Variants in NTSR1 observed in about 807,000 individuals in gnomAD.
NTSR1 encodes neurotensin receptor 1.
NTSR1 carries 29 observed loss-of-function variants against 31.2 expected under a neutral mutation model. That is an observed-to-expected ratio of 0.93 (90% CI 0.69 to 1.27). NTSR1 has a LOEUF of 1.27. Ranked by LOEUF, NTSR1 falls within the 50% of genes most tolerant of loss-of-function variation. The pLI, the probability that NTSR1 is intolerant of heterozygous loss-of-function variation, is 0.00. For missense variants in NTSR1, 697 were observed against 595.4 expected, an observed-to-expected ratio of 1.17 and a Z score of -1.78; for synonymous variants, 282 against 269.9, an observed-to-expected ratio of 1.04 and a Z score of -0.44.
intron 1 of NTSR1, among the ~76,000 whole-genome samples, chr20:62,734,889 C>T (rs992105785): frequency 3.9e-5 from 6 of 152,278 alleles, no homozygotes; most frequent in Admixed American, 6.5e-5. Context: ...TTAAGCCTCA[C>T]GTGGCCTGCA....
At chr20:62,735,607 G>A (rs907664557) in intron 1 of NTSR1, among the ~76,000 whole-genome samples, 2 of 152,198 alleles carry the variant, frequency 1.3e-5, no homozygotes, top group South Asian at 2.1e-4. Flanking sequence ...AGAGAGAGGC[G>A]TCCCAGCCCC....
Position 62,744,809 on chromosome 20 carries a change from C to T in NTSR1, c.715-9876C>T, listed in dbSNP as rs1013835377. Among the ~76,000 whole-genome samples the T allele has an allele frequency of 6.6e-6, 1 of 152,158 alleles. No homozygotes were observed. The highest frequency in any genetic ancestry group is 1.5e-5 in the Non-Finnish European group (1 of 68,020). ...GCTGGCCAGGGAACAAGCCAGGCCC[C>T]CACTTCTGGCACCAAACCCCAGGCA... On this transcript the variant is annotated intron_variant, in intron 1 of 3. Transcript: ENST00000370501. The surrounding 1 kb of genome is among the most constrained non-coding windows in gnomAD (Gnocchi z 4.1).
chr20:62,714,559 C>G lies in NTSR1; in HGVS notation c.714+4638C>G, dbSNP rs1047999093. Among the ~76,000 whole-genome samples the G allele has an allele frequency of 1.3e-5, 2 of 152,132 alleles. No homozygotes were observed. Among genetic ancestry groups the G allele is most frequent in the African/African-American group, 4.8e-5 (2 of 41,426 alleles). On this transcript the variant is annotated intron_variant, in intron 1 of 3. Transcript: ENST00000370501. The surrounding 1 kb of genome is among the most constrained non-coding windows in gnomAD (Gnocchi z 4.1). ...GAGAGAGTTAGGTGTGAGGTGAGCC[C>G]TGGTGTGCACACAGCCTCGTGGCAT...
chr20:62,720,945 T>A (rs898158918), intron 1 of NTSR1, among the ~76,000 whole-genome samples: 4 of 152,218 alleles, frequency 2.6e-5, no homozygotes, highest in Non-Finnish European at 4.4e-5. Flanking sequence ...TTTCCAGATA[T>A]TACTTTTTTA....
intron 1 of NTSR1, among the ~76,000 whole-genome samples, chr20:62,751,940 C>T (rs191981453): frequency 1.4e-4 from 21 of 147,426 alleles, no homozygotes; most frequent in African/African-American, 4.4e-4. Flanking sequence ...ATGCCAAATT[C>T]TCCTCATTAA....
Position 62,746,483 on chromosome 20 carries a change from G to C in NTSR1, c.715-8202G>C, listed in dbSNP as rs543697156. Among the ~76,000 whole-genome samples, 5 of 152,266 alleles carry C rather than the reference G, an allele frequency of 3.3e-5. No homozygotes were observed. In the East Asian group the frequency reaches 9.6e-4, roughly 29 times the overall value. ...GCAGGGGCTCCTATGGCTTCTCCAA[G>C]GCAGTGATGTTTGTGGGAGGGAGGA... On this transcript the variant is annotated intron_variant, in intron 1 of 3. Transcript: ENST00000370501.
intron 1 of NTSR1, among the ~76,000 whole-genome samples, chr20:62,729,023 G>A (rs1034992624): frequency 6.6e-6 from 1 of 152,266 alleles, no homozygotes; most frequent in African/African-American, 2.4e-5. Context: ...AGAGCCAAGA[G>A]ATGGATGTCC....
chr20:62,731,347 G>A (rs1410095937), intron 1 of NTSR1, among the ~76,000 whole-genome samples: 1 of 152,122 alleles, frequency 6.6e-6, no homozygotes, highest in East Asian at 1.9e-4. Context: ...GCCTCCAAAA[G>A]TGCTGGGATT....
At chr20:62,731,870 G>A (rs1367991155) in intron 1 of NTSR1, among the ~76,000 whole-genome samples, 1 of 152,362 alleles carries the variant, frequency 6.6e-6, no homozygotes, top group African/African-American at 2.4e-5. Context: ...TGTAATCCCA[G>A]CACTTTGGGA....
At position 62,714,798 on chromosome 20, in the gene NTSR1, A is replaced by G. The variant is rs1988682372; in HGVS notation, c.714+4877A>G. Among the ~76,000 whole-genome samples, 1 of 152,232 alleles carries G rather than the reference A, an allele frequency of 6.6e-6. No individual in the cohort carries two copies. Among genetic ancestry groups the G allele is most frequent in the East Asian group, 1.9e-4 (1 of 5,200 alleles). On this transcript the variant is annotated intron_variant, in intron 1 of 3. Transcript: ENST00000370501. This position sits in a 1 kb window ranked among gnomAD's most constrained non-coding sequence, Gnocchi z 4.1. ...GCCTGGTTTCTTAGCAAAGACTCGG[A>G]CAAGTCAACCTGTCGCAGAAAGCCG...
In NTSR1 at chr20:62,733,927, GATT is replaced by G. The variant is rs1989042356; in HGVS notation, c.715-20757_715-20755del. Among the ~76,000 whole-genome samples the G allele has an allele frequency of 6.6e-6, 1 of 152,154 alleles. No homozygotes were observed. Among genetic ancestry groups the G allele is most frequent in the African/African-American group, 2.4e-5 (1 of 41,440 alleles). ...TGATTGCTACTTTATCTCAATAGAG[GATT>G]CGAACAGCCCCCAGGCAGGGTCGCA... is the stretch of plus-strand genomic sequence containing the variant. On this transcript the variant is annotated intron_variant, in intron 1 of 3. Transcript: ENST00000370501. The surrounding 1 kb of genome is among the most constrained non-coding windows in gnomAD (Gnocchi z 5.2).
chr20:62,747,179 C>G (rs1033528360), intron 1 of NTSR1, among the ~76,000 whole-genome samples: 4 of 152,230 alleles, frequency 2.6e-5, no homozygotes, highest in Non-Finnish European at 5.9e-5. Context: ...AAGCATTTGA[C>G]AAAACTCAGC....
At chr20:62,730,835 G>A (rs2147138330) in intron 1 of NTSR1, among the ~76,000 whole-genome samples, 1 of 152,314 alleles carries the variant, frequency 6.6e-6, no homozygotes, top group Non-Finnish European at 1.5e-5. Flanking sequence ...AATGACATAT[G>A]ATGTGGAGCA....
chr20:62,757,667 A>G (rs536771860), intron 2 of NTSR1, among the ~76,000 whole-genome samples: 2 of 152,250 alleles, frequency 1.3e-5, no homozygotes, highest in East Asian at 3.9e-4. Context: ...AAATCTTCCA[A>G]TCCATGAACA....
chr20:62,748,966 T>C (rs1443478786), intron 1 of NTSR1, among the ~76,000 whole-genome samples: 1 of 152,146 alleles, frequency 6.6e-6, no homozygotes, highest in African/African-American at 2.4e-5. Flanking sequence ...CCCCTGGGCC[T>C]TGGACTTCCC....
At position 62,745,136 on chromosome 20, in the gene NTSR1, T is replaced by TG; in HGVS notation, c.715-9547dup. Among the ~76,000 whole-genome samples the TG allele has an allele frequency of 6.6e-6, 1 of 151,840 alleles. No homozygotes were observed. The highest frequency in any genetic ancestry group is 1.5e-5 in the Non-Finnish European group (1 of 67,922). The stretch of plus-strand genomic sequence containing the variant: ...GCTACCCAGCCGGCTCCAGGGAGGG[T>TG]GGCCCAGCCAGTTCCTGCCACCTGA... On this transcript the variant is annotated intron_variant, in intron 1 of 3. Transcript: ENST00000370501. This position sits in a 1 kb window ranked among gnomAD's most constrained non-coding sequence, Gnocchi z 4.1.
Position 62,759,195 on chromosome 20 carries a change from C to A in NTSR1, c.1008-823C>A, listed in dbSNP as rs7267264. ...TACGACCAATGAGGAGGAGAAGGCA[C>A]GGGGAACAGAGTGTGGCCCCTGCAA... On this transcript the variant is annotated intron_variant, in intron 3 of 3. Transcript: ENST00000370501. Among the ~76,000 whole-genome samples, 656 of 152,294 alleles carry A rather than the reference C, an allele frequency of 4.3e-3. 7 individuals carry two copies. The highest frequency in any genetic ancestry group is 0.015 in the African/African-American group (631 of 41,546).
chr20:62,715,176 G>A lies in NTSR1; in HGVS notation c.714+5255G>A, dbSNP rs542840671. ...ATATGTTGGAAATAAAGAATTTGGC[G>A]TATGAAATCACCGTTCAGATGGTGA... is the stretch of plus-strand genomic sequence containing the variant. On this transcript the variant is annotated intron_variant, in intron 1 of 3. Transcript: ENST00000370501. This position sits in a 1 kb window ranked among gnomAD's most constrained non-coding sequence, Gnocchi z 4.7. Among the ~76,000 whole-genome samples the A allele has an allele frequency of 2.8e-4, 43 of 152,304 alleles. 1 individual carries two copies. The highest frequency in any genetic ancestry group is 1.5e-3 in the South Asian group (7 of 4,826).
At position 62,715,475 on chromosome 20, in the gene NTSR1, C is replaced by T. The variant is rs1453309159; in HGVS notation, c.714+5554C>T. 1.2e-4 allele frequency among the ~76,000 whole-genome samples: 18 copies of T among 152,194 alleles called. No individual in the cohort carries two copies. Among genetic ancestry groups the T allele is most frequent in the Non-Finnish European group, 1.8e-4 (12 of 68,024 alleles). ...CCTGTGGTGCTCCCCGTGGGGACAA[C>T]GGTCAGGCTTTTGAGTGAGATGGGC... On this transcript the variant is annotated intron_variant, in intron 1 of 3. Transcript: ENST00000370501. This position sits in a 1 kb window ranked among gnomAD's most constrained non-coding sequence, Gnocchi z 4.7.
Sources: allele counts gnomAD v4.1 joint callset (sites outside exome capture counted in the v4.1 genomes callset), GRCh38; gene constraint gnomAD v4.1.1; non-coding constraint Gnocchi (gnomAD v3.1); transcripts MANE v1.5; gene names NCBI Gene and HGNC (gene_info 2026-07-23, HGNC 2026-07-21).